DTNB: variants seen among roughly 807,000 people sequenced by gnomAD.
The protein encoded by DTNB is dystrobrevin beta.
In DTNB, 63 loss-of-function variants were observed where a neutral mutation model predicts 90.7. The observed-to-expected ratio is 0.69, with a 90% CI of 0.57 to 0.86. DTNB has a LOEUF of 0.86. Ranked by LOEUF, DTNB falls within the 40% of genes least tolerant of loss-of-function variation. DTNB has a pLI of 0.00. For synonymous variants in DTNB, 277 were observed against 286.7 expected (o/e 0.97, Z 0.34); for missense variants, 744 against 807.1 (o/e 0.92, Z 0.95).
intron 12 of DTNB, 69 bp from the exon 13 acceptor site, chr2:25,434,064 C>T: frequency 7.0e-7 from 1 of 1,423,628 alleles, no homozygotes; most frequent in Non-Finnish European, 9.7e-7. Flanking sequence ...TCTAGATTGA[C>T]TGATTTTTAA....
At chr2:25,584,671 C>T (rs1259823843) in intron 6 of DTNB, among the ~76,000 whole-genome samples, 1 of 152,092 alleles carries the variant, frequency 6.6e-6, no homozygotes, top group Non-Finnish European at 1.5e-5. Context: ...ATTGTCCTGC[C>T]TCAGCCTCCT....
chr2:25,410,884 T>C (rs1039932286), intron 16 of DTNB, among the ~76,000 whole-genome samples: 1 of 152,100 alleles, frequency 6.6e-6, no homozygotes, highest in African/African-American at 2.4e-5. Flanking sequence ...ATGCCCTGCT[T>C]ATGTTACTTT....
chr2:25,487,039 T>A (rs896949811), intron 9 of DTNB, among the ~76,000 whole-genome samples: 2 of 152,220 alleles, frequency 1.3e-5, no homozygotes, highest in Non-Finnish European at 2.9e-5. Context: ...GTAGAAAGTA[T>A]CTGGTAGTCA....
intron 15 of DTNB, 134 bp from the exon 16 acceptor site, chr2:25,419,669 TGA>T: frequency 8.5e-7 from 1 of 1,178,744 alleles, no homozygotes; most frequent in Non-Finnish European, 1.2e-6. Flanking sequence ...CCACAGGTGC[TGA>T]GATCAAAGGC....
chr2:25,402,788 G>T (rs2044079418), intron 16 of DTNB, among the ~76,000 whole-genome samples: 1 of 152,164 alleles, frequency 6.6e-6, no homozygotes, highest in Admixed American at 6.5e-5. Context: ...TTGTGATCAC[G>T]GTGTTGCCAA....
At chr2:25,619,599 C>T (rs995432356) in intron 4 of DTNB, among the ~76,000 whole-genome samples, 2 of 152,282 alleles carry the variant, frequency 1.3e-5, no homozygotes, top group East Asian at 1.9e-4. Context: ...TCTGCTCTCA[C>T]GGACATCCAT....
chr2:25,406,363 C>T (rs2045166576), intron 16 of DTNB, among the ~76,000 whole-genome samples: 1 of 151,896 alleles, frequency 6.6e-6, no homozygotes, highest in Admixed American at 6.6e-5. Context: ...GAAACCCTGT[C>T]TCTACTAAAA....
chr2:25,547,029 T>C (rs1010647404), intron 8 of DTNB, among the ~76,000 whole-genome samples: 1 of 151,996 alleles, frequency 6.6e-6, no homozygotes, highest in East Asian at 1.9e-4. Flanking sequence ...TTGTTGTTGT[T>C]GTAGAGACAG....
At chr2:25,457,465 A>C (rs781171215) in intron 10 of DTNB, among the ~76,000 whole-genome samples, 7 of 152,212 alleles carry the variant, frequency 4.6e-5, no homozygotes, top group Non-Finnish European at 7.3e-5. Context: ...AGGCCTTCTC[A>C]GTGGAAAAAG....
intron 19 of DTNB, 41 bp downstream of exon 19, chr2:25,383,795 G>C: frequency 3.1e-6 from 5 of 1,614,006 alleles, no homozygotes; most frequent in Non-Finnish European, 4.2e-6. Context: ...ATGAGCTCGG[G>C]CTCCCCATTT....
intron 8 of DTNB, among the ~76,000 whole-genome samples, chr2:25,555,223 G>A (rs560572674): frequency 1.3e-5 from 2 of 150,326 alleles, no homozygotes; most frequent in African/African-American, 4.9e-5. Context: ...CCCAGGAGGC[G>A]GAGCTTGCAG....
chr2:25,493,904 T>C (rs1428335059), intron 9 of DTNB, among the ~76,000 whole-genome samples: 1 of 152,232 alleles, frequency 6.6e-6, no homozygotes, highest in Non-Finnish European at 1.5e-5. Flanking sequence ...TATATGATGA[T>C]AATTTATAAC....
At chr2:25,450,609 A>G (rs2059136951) in intron 12 of DTNB, among the ~76,000 whole-genome samples, 1 of 152,228 alleles carries the variant, frequency 6.6e-6, no homozygotes, top group Non-Finnish European at 1.5e-5. Context: ...TTGAATTGGT[A>G]TTAAATCTAT....
intron 10 of DTNB, among the ~76,000 whole-genome samples, chr2:25,459,320 C>T (rs1458537059): frequency 1.3e-5 from 2 of 151,912 alleles, no homozygotes; most frequent in Admixed American, 6.6e-5. Context: ...ATTTTCCTCT[C>T]GGTGCTCCAC....
In DTNB at chr2:25,432,206, TACACACACACACACAC is replaced by T. The variant is rs60610400; in HGVS notation, c.1457+664_1457+679del. ...ATGTCTTAACTTACAGAAGAGTGCG[TACACACACACACACAC>T]ACACACACACACACACACACACCCC... On this transcript the variant is annotated intron_variant, in intron 14 of 20. Coordinates refer to ENST00000406818, the MANE Select transcript of DTNB (RefSeq NM_021907.5). Among the ~76,000 whole-genome samples, 10 of 146,432 alleles carry T rather than the reference TACACACACACACACAC, an allele frequency of 6.8e-5. No homozygotes were observed. In the South Asian group the frequency reaches 8.8e-4, roughly 13 times the overall value.
chr2:25,571,520 C>T (rs114474191), intron 8 of DTNB, among the ~76,000 whole-genome samples: 691 of 152,276 alleles, frequency 4.5e-3, no homozygotes, highest in Non-Finnish European at 6.7e-3. Context: ...AGGTATACCC[C>T]TACCCTGAAC....
chr2:25,502,946 T>C (rs2071164850), intron 9 of DTNB, among the ~76,000 whole-genome samples: 1 of 143,740 alleles, frequency 7.0e-6, no homozygotes, highest in Non-Finnish European at 1.5e-5. Flanking sequence ...CCCAGCTACT[T>C]GGGATGCTGA....
chr2:25,509,156 T>A (rs2073313119), intron 9 of DTNB, among the ~76,000 whole-genome samples: 1 of 152,206 alleles, frequency 6.6e-6, no homozygotes. Context: ...TTAATTTCTT[T>A]TTCTCGTATT....
chr2:25,609,499 G>A (rs2067933603), intron 4 of DTNB, among the ~76,000 whole-genome samples: 1 of 151,732 alleles, frequency 6.6e-6, no homozygotes, highest in Non-Finnish European at 1.5e-5. Context: ...TCAGAAGGCT[G>A]AGGCAGGAAA....
Sources: allele counts gnomAD v4.1 joint callset (sites outside exome capture counted in the v4.1 genomes callset), GRCh38; gene constraint gnomAD v4.1.1; transcripts MANE v1.5; gene names NCBI Gene and HGNC (gene_info 2026-07-23, HGNC 2026-07-21).